ACSS2: variants seen among roughly 807,000 people sequenced by gnomAD.
ACSS2 encodes acetyl-coenzyme A synthetase, cytoplasmic.
A neutral mutation model predicts 90.6 loss-of-function variants in ACSS2; 58 were observed. The observed-to-expected ratio is 0.64, with a 90% CI of 0.52 to 0.80. The LOEUF is 0.80. Among genes scored for constraint, ACSS2 ranks in the 30% least tolerant of loss-of-function variants. The probability of loss-of-function intolerance (pLI) is 0.00; values close to 1 mark genes in which losing one functional copy is unlikely to be tolerated. For missense variants in ACSS2, 759 were observed against 912.0 expected, an observed-to-expected ratio of 0.83 and a Z score of 2.16; for synonymous variants, 300 against 330.9, an observed-to-expected ratio of 0.91 and a Z score of 1.01.
chr20:34,877,944 T>TAGA (rs2079968858), intron 1 of ACSS2, among the ~76,000 whole-genome samples: 1 of 60,778 alleles, frequency 1.6e-5, no homozygotes, highest in Admixed American at 1.4e-4. Context: ...AGATAGATAG[T>TAGA]TTGTTTTGAG....
rs1210855733 is a variant in ACSS2, at chr20:34,926,150, A to G, written c.1772A>G (p.His591Arg). 2 of 1,614,264 alleles carry G rather than the reference A, an allele frequency of 1.2e-6. No individual in the cohort carries two copies. Among genetic ancestry groups the G allele is most frequent in the African/African-American group, 1.3e-5 (1 of 75,074 alleles). Residue 591 changes from histidine to arginine, a missense_variant, in exon 16 of 18, where the codon CAT becomes CGT. By Grantham distance (29) the His-to-Arg change is conservative. Coordinates refer to ENST00000360596, the MANE Select transcript of ACSS2 (RefSeq NM_018677.4). ...TAEVESALVE[H>R]EAVAEAAVVG... ...GAGGTGGAGTCAGCACTTGTGGAACATGAGGCTGTTGCAGAGGCAGCTGTG... is the reference window on the plus strand; with the variant it reads ...GAGGTGGAGTCAGCACTTGTGGAACGTGAGGCTGTTGCAGAGGCAGCTGTG...
intron 7 of ACSS2, 136 bp from the exon 8 acceptor site, chr20:34,919,299 C>T (rs1293244247): frequency 7.3e-7 from 1 of 1,366,002 alleles, no homozygotes; most frequent in Non-Finnish European, 1.0e-6. Context: ...CTGTTCCATT[C>T]CATCCTTGAA....
At chr20:34,906,540 GGT>G (rs374743810) in intron 2 of ACSS2, among the ~76,000 whole-genome samples, 4 of 150,220 alleles carry the variant, frequency 2.7e-5, no homozygotes, top group Admixed American at 6.6e-5. Context: ...TGCACACTGT[GGT>G]GTGTGTGTGT....
At chr20:34,908,966 A>G in intron 2 of ACSS2, 1 of 440,416 alleles carries the variant, frequency 2.3e-6, no homozygotes, top group South Asian at 1.7e-5. Flanking sequence ...ACATAAAAAT[A>G]AAAATATTCA....
chr20:34,901,852 G>T (rs1359990737), intron 2 of ACSS2, among the ~76,000 whole-genome samples: 1 of 152,130 alleles, frequency 6.6e-6, no homozygotes, highest in Non-Finnish European at 1.5e-5. Flanking sequence ...ACTTGGTACT[G>T]CATTATTAAC....
chr20:34,927,793 A>G lies in ACSS2; in HGVS notation c.*579A>G, dbSNP rs1446997411. ...ATCATCTGCTTCTTTGAAGGAGTAA[A>G]TGTGTTTTGTTCCTAGGGCCAGAGG... On this transcript the variant is annotated 3_prime_UTR_variant, in exon 18 of 18. Coordinates refer to ENST00000360596, the MANE Select transcript of ACSS2 (RefSeq NM_018677.4). This position sits in a 1 kb window ranked among gnomAD's most constrained non-coding sequence, Gnocchi z 4.2. 6.4e-6 allele frequency: 1 copy of G among 155,058 alleles called. No homozygotes were observed. The allele number at this position is 155,058 out of a possible 1,614,324, so 9.6% of individuals were successfully genotyped here. A position where few individuals can be genotyped will look rare whatever the true frequency, so the allele number is the denominator to read the frequency against.
Position 34,927,272 on chromosome 20 carries a change from T to C in ACSS2, c.*58T>C, listed in dbSNP as rs2081341151. ...TGCTCCAAACTTTGCCCATCCTCTT[T>C]GCCCCCTCAGGAGTGCTGAGGGCCA... is the stretch of plus-strand genomic sequence containing the variant. On this transcript the variant is annotated 3_prime_UTR_variant, in exon 18 of 18. Coordinates refer to ENST00000360596, the MANE Select transcript of ACSS2 (RefSeq NM_018677.4). This position sits in a 1 kb window ranked among gnomAD's most constrained non-coding sequence, Gnocchi z 4.2. 1.5e-5 allele frequency: 24 copies of C among 1,603,052 alleles called. No homozygotes were observed. The South Asian group carries it at 2.6e-4, about 18-fold the overall frequency.
chr20:34,884,464 C>T (rs1292412418), intron 2 of ACSS2, among the ~76,000 whole-genome samples: 1 of 152,204 alleles, frequency 6.6e-6, no homozygotes, highest in African/African-American at 2.4e-5. Flanking sequence ...GAGTCAGTTT[C>T]CTCTTCCATA....
At chr20:34,879,533 AC>A (rs11167247) in intron 1 of ACSS2, among the ~76,000 whole-genome samples, 102,177 of 149,416 alleles carry the variant, frequency 0.68, 36,501 homozygotes, top group African/African-American at 0.91. Context: ...ACACACCCCT[AC>A]CCCCCCCAAA....
chr20:34,927,210 A>G lies in ACSS2; in HGVS notation c.2102A>G (p.Gln701Arg). ...TTCAGCCACCGCTGCCTGACCATCC[A>G]GTGAACATGATCCTGACCTTTACCT... ...HLFSHRCLTI[Q>R] is the part of the protein sequence containing the mutation. The change falls in exon 18 of 18, where the codon CAG becomes CGG. Residue 701 changes from glutamine (Q) to arginine (R), a missense_variant. Coordinates refer to ENST00000360596, the MANE Select transcript of ACSS2 (RefSeq NM_018677.4). The surrounding 1 kb of genome is among the most constrained non-coding windows in gnomAD (Gnocchi z 4.2). The G allele has an allele frequency of 6.2e-7, 1 of 1,613,684 alleles. No individual in the cohort carries two copies. Among genetic ancestry groups the G allele is most frequent in the Non-Finnish European group, 8.5e-7 (1 of 1,180,024 alleles).
intron 7 of ACSS2, chr20:34,915,334 C>T (rs1052365353): frequency 7.6e-6 from 12 of 1,577,928 alleles, no homozygotes; most frequent in Middle Eastern, 1.8e-4. Flanking sequence ...TGCCTGTTTG[C>T]CCCATTGAGG....
chr20:34,904,903 ACC>A (rs1446939467), intron 2 of ACSS2, among the ~76,000 whole-genome samples: 2 of 134,146 alleles, frequency 1.5e-5, no homozygotes, highest in African/African-American at 5.8e-5. Context: ...CAGTGTTTAA[ACC>A]TTTTTTTTTT....
intron 1 of ACSS2, among the ~76,000 whole-genome samples, chr20:34,881,556 T>C (rs1187842063): frequency 6.6e-6 from 1 of 152,212 alleles, no homozygotes; most frequent in Non-Finnish European, 1.5e-5. Flanking sequence ...GCCCAGTTTA[T>C]GCATCAATTC....
intron 13 of ACSS2, 192 bp from the exon 14 acceptor site, chr20:34,923,131 C>G: frequency 3.7e-6 from 2 of 539,584 alleles, no homozygotes; most frequent in Non-Finnish European, 6.7e-6. Context: ...TCCTGAAGCT[C>G]AGAGGGGTAA....
chr20:34,914,538 T>A, intron 7 of ACSS2, 101 bp downstream of exon 7: 1 of 1,066,546 alleles, frequency 9.4e-7, no homozygotes, highest in Non-Finnish European at 1.3e-6. Flanking sequence ...ATCAGTATAC[T>A]GAGGATCCAG....
chr20:34,925,117 G>A (rs1247178234), intron 14 of ACSS2, among the ~76,000 whole-genome samples: 3 of 152,328 alleles, frequency 2.0e-5, no homozygotes, highest in Admixed American at 1.3e-4. Context: ...TATCCCAAAA[G>A]TTGGCAGCTT....
At chr20:34,888,008 T>C (rs2080240626) in intron 2 of ACSS2, among the ~76,000 whole-genome samples, 1 of 136,154 alleles carries the variant, frequency 7.3e-6, no homozygotes, top group African/African-American at 2.8e-5. Flanking sequence ...AGACAGAGGT[T>C]GCAGTGAGCC....
Position 34,920,598 on chromosome 20 carries a change from GT to G in ACSS2, c.1035del (p.Phe345LeufsTer47). The G allele has an allele frequency of 6.2e-7, 1 of 1,614,214 alleles. No homozygotes were observed. The highest frequency in any genetic ancestry group is 8.5e-7 in the Non-Finnish European group (1 of 1,180,034). On this transcript the variant is annotated frameshift_variant, in exon 9 of 18. Coordinates refer to ENST00000360596, the MANE Select transcript of ACSS2 (RefSeq NM_018677.4). LOFTEE classifies it high-confidence loss of function. ...LYVATTFKYV[F>X]DFHAEDVFWC... is the part of the protein sequence containing the mutation. ...ATGTAGCCACAACCTTCAAGTATGT[GT>G]TTGACTTCCATGCAGAGGATGTGTT...
At chr20:34,925,044 A>G (rs769514535) in intron 14 of ACSS2, among the ~76,000 whole-genome samples, 24 of 152,126 alleles carry the variant, frequency 1.6e-4, no homozygotes, top group Non-Finnish European at 2.8e-4. Context: ...TGTTTAGAAA[A>G]TAACTTTGCT....
Sources: allele counts gnomAD v4.1 joint callset (sites outside exome capture counted in the v4.1 genomes callset), GRCh38; gene constraint gnomAD v4.1.1; non-coding constraint Gnocchi (gnomAD v3.1); transcripts MANE v1.5; gene names NCBI Gene and HGNC (gene_info 2026-07-23, HGNC 2026-07-21).